MED13: variants seen among roughly 807,000 people sequenced by gnomAD.
MED13 encodes mediator of RNA polymerase II transcription subunit 13.
In MED13, 23 loss-of-function variants were observed where a neutral mutation model predicts 225.2. The observed-to-expected ratio is 0.10, with a 90% confidence interval of 0.07 to 0.14. The LOEUF (loss-of-function observed/expected upper bound fraction) is 0.14, where lower values mean the gene tolerates loss of function less well. MED13 is among the 10% of genes least tolerant of loss of function. The pLI, the probability that MED13 is intolerant of heterozygous loss-of-function variation, is 1.00. For synonymous variants in MED13, 942 were observed against 889.2 expected (o/e 1.06, Z -1.06); for missense variants, 2,197 against 2,594.5 (o/e 0.85, Z 3.33).
At chr17:62,028,676 C>T (rs1468999759) in intron 8 of MED13, among the ~76,000 whole-genome samples, 2 of 149,216 alleles carry the variant, frequency 1.3e-5, no homozygotes, top group African/African-American at 2.5e-5. Flanking sequence ...CCTGTCTCTA[C>T]TTTAAAAAAA....
In MED13 at chr17:62,058,382, G is replaced by A. The variant is rs568304471; in HGVS notation, c.301+4685C>T. 2.0e-5 allele frequency among the ~76,000 whole-genome samples: 3 copies of A among 151,952 alleles called. No individual in the cohort carries two copies. The South Asian group carries it at 6.2e-4, about 32-fold the overall frequency. ...CCAAAAATACAAAAATTAGCCAGGCGTGATGACACATGCCTGTAGTCCCAA... is the reference window on the plus strand; with the variant it reads ...CCAAAAATACAAAAATTAGCCAGGCATGATGACACATGCCTGTAGTCCCAA... On this transcript the variant is annotated intron_variant, in intron 2 of 29. Transcript: ENST00000397786.
chr17:62,011,308 T>C lies in MED13; in HGVS notation c.1284-75A>G, dbSNP rs565038275. ...GAAGTATAATACCAGTTAATAGTATTAGACACTTCGGTTATCATTTCTTTT... is the reference window on the plus strand; with the variant it reads ...GAAGTATAATACCAGTTAATAGTATCAGACACTTCGGTTATCATTTCTTTT... On this transcript the variant is annotated intron_variant, in intron 8 of 29. Transcript: ENST00000397786. The C allele has an allele frequency of 2.2e-5, 28 of 1,244,512 alleles. No homozygotes were observed. In the East Asian group the frequency reaches 6.3e-4, roughly 28 times the overall value. The allele number at this position is 1,244,512 out of a possible 1,614,324, so 77.1% of individuals were successfully genotyped here.
chr17:61,974,571 A>G (rs1359336198), intron 16 of MED13, among the ~76,000 whole-genome samples: 3 of 152,164 alleles, frequency 2.0e-5, no homozygotes, highest in Non-Finnish European at 2.9e-5. Flanking sequence ...TTAAAAAAAA[A>G]GGAGTGATCA....
chr17:62,048,666 G>A (rs1254707005), intron 3 of MED13, among the ~76,000 whole-genome samples: 1 of 152,078 alleles, frequency 6.6e-6, no homozygotes, highest in Non-Finnish European at 1.5e-5. Flanking sequence ...ACTAAACACT[G>A]GCAGCCCAGC....
intron 3 of MED13, among the ~76,000 whole-genome samples, chr17:62,044,973 T>C (rs973174093): frequency 8.5e-5 from 13 of 152,208 alleles, no homozygotes; most frequent in Admixed American, 4.6e-4. Context: ...ATATTGCCTT[T>C]TAAAATTGGA....
chr17:61,942,978 G>A lies in MED13; in HGVS notation c.*3490C>T, dbSNP rs1023057288. The A allele has an allele frequency of 6.6e-6, 1 of 152,390 alleles. No individual in the cohort carries two copies. Among genetic ancestry groups the A allele is most frequent in the Non-Finnish European group, 1.5e-5 (1 of 67,958 alleles). 9.4% of individuals were successfully genotyped at this position (152,390 alleles called of 1,614,324 possible). A position where few individuals can be genotyped will look rare whatever the true frequency, so the allele number is the denominator to read the frequency against. The stretch of plus-strand genomic sequence containing the variant: ...AACTAAAGATGTTTTAAAACTTCAT[G>A]AATACATCAACCTGAGGAGTATTTT... On this transcript the variant is annotated 3_prime_UTR_variant, in exon 30 of 30. Coordinates refer to ENST00000397786, the MANE Select transcript of MED13 (RefSeq NM_005121.3).
intron 11 of MED13, among the ~76,000 whole-genome samples, chr17:61,988,257 G>T (rs1179455659): frequency 6.6e-6 from 1 of 152,080 alleles, no homozygotes; most frequent in Non-Finnish European, 1.5e-5. Context: ...TTAAGTACTA[G>T]ATAAATATTA....
Position 61,955,440 on chromosome 17 carries a change from T to C in MED13, c.5910A>G (p.Gln1970=), listed in dbSNP as rs747132332. ...ILVFPTSASV[Q]VASATYTTEN... ...CAGTGGTATAAGTAGCTGAAGCTAC[T>C]TGCACAGAAGCAGAAGTAGGAAACA... is the stretch of plus-strand genomic sequence containing the variant. The change falls in exon 26 of 30, where the codon CAA becomes CAG. Residue 1970 remains glutamine (Q), a synonymous_variant. Transcript: ENST00000397786. 1.5e-5 allele frequency: 24 copies of C among 1,596,156 alleles called. No homozygotes were observed. Among genetic ancestry groups the C allele is most frequent in the East Asian group, 4.5e-5 (2 of 44,664 alleles).
rs764611496 is a variant in MED13 at position 62,052,557 on chromosome 17, A to G, written c.450T>C (p.Asp150=). The change falls in exon 3 of 30, where the codon GAT becomes GAC. Residue 150 remains aspartate, a synonymous_variant. Coordinates refer to ENST00000397786, the MANE Select transcript of MED13 (RefSeq NM_005121.3). The part of the protein sequence containing the change: ...GKWFVKPYEK[D]EKPINKSEHL... ...CTTACCTTTTATTTATAGGTTTTTC[A>G]TCTTTTTCATAAGGCTTTACAAACC... The G allele has an allele frequency of 8.9e-6, 14 of 1,578,608 alleles. No homozygotes were observed. The highest frequency in any genetic ancestry group is 1.2e-5 in the Non-Finnish European group (14 of 1,163,962).
At chr17:61,980,677 GA>G (rs2080196144) in intron 16 of MED13, among the ~76,000 whole-genome samples, 1 of 152,192 alleles carries the variant, frequency 6.6e-6, no homozygotes, top group South Asian at 2.1e-4. Context: ...CTAAGCTACT[GA>G]AACTGCCTTC....
At position 62,015,930 on chromosome 17, in the gene MED13, ATATATATATATATATATATATATATT is replaced by A. The variant is rs1230475361; in HGVS notation, c.1284-4723_1284-4698del. Among the ~76,000 whole-genome samples the A allele has an allele frequency of 1.7e-3, 11 of 6,644 alleles. No homozygotes were observed. In the East Asian group the frequency reaches 0.045, roughly 27 times the overall value. The allele number at this position is 6,644 out of a possible 152,430, so 4.4% of individuals were successfully genotyped here. A position where few individuals can be genotyped will look rare whatever the true frequency, so the allele number is the denominator to read the frequency against. On this transcript the variant is annotated intron_variant, in intron 8 of 29. Transcript: ENST00000397786. ...ACACTATACACATATATATATATAT[ATATATATATATATATATATATATATT>A]TTTTTTTTTTTTTTTTTTTTTTTTT...
At chr17:62,010,365 A>G (rs2080494920) in intron 9 of MED13, 185 bp downstream of exon 9, 2 of 415,178 alleles carry the variant, frequency 4.8e-6, no homozygotes, top group East Asian at 3.6e-5. Flanking sequence ...TTTTGTGGCT[A>G]AAGTTATTTC....
At chr17:62,036,592 A>C (rs757105277) in intron 3 of MED13, among the ~76,000 whole-genome samples, 22 of 152,230 alleles carry the variant, frequency 1.4e-4, no homozygotes, top group Non-Finnish European at 2.6e-4. Flanking sequence ...ATATATGTAT[A>C]AGCCCTCTTG....
intron 21 of MED13, 127 bp downstream of exon 21, chr17:61,962,625 G>A: frequency 1.5e-6 from 1 of 671,326 alleles, no homozygotes; most frequent in Non-Finnish European, 2.5e-6. Flanking sequence ...TGATATTAAA[G>A]TAAAATCAAT....
chr17:61,990,186 T>G (rs556795038), intron 11 of MED13, among the ~76,000 whole-genome samples: 17 of 152,106 alleles, frequency 1.1e-4, no homozygotes, highest in African/African-American at 3.9e-4. Flanking sequence ...TACTTGCAAA[T>G]TGCTGAAAGT....
chr17:61,951,875 A>T (rs1159617323), intron 27 of MED13, among the ~76,000 whole-genome samples: 1 of 152,148 alleles, frequency 6.6e-6, no homozygotes, highest in African/African-American at 2.4e-5. Flanking sequence ...ATACTACAAT[A>T]ATCAAATCAC....
chr17:62,025,038 G>GTA (rs1352294690), intron 8 of MED13, among the ~76,000 whole-genome samples: 1 of 152,140 alleles, frequency 6.6e-6, no homozygotes, highest in Non-Finnish European at 1.5e-5. Flanking sequence ...ATTCCTCTGG[G>GTA]TATATATATC....
At chr17:62,011,827 G>A (rs930293185) in intron 8 of MED13, among the ~76,000 whole-genome samples, 1 of 152,146 alleles carries the variant, frequency 6.6e-6, no homozygotes, top group Non-Finnish European at 1.5e-5. Context: ...AAAAGGGAAA[G>A]AAAATGCCTA....
At position 62,063,132 on chromosome 17, in the gene MED13, T is replaced by G. The variant is rs1426615184; in HGVS notation, c.236A>C (p.Glu79Ala). Residue 79 changes from glutamate (E) to alanine (A), a missense_variant, in exon 2 of 30, where the codon GAA becomes GCA. By Grantham distance (107) the Glu-to-Ala change is moderately radical. Transcript: ENST00000397786. ...TTCACCCCACCAAAATATCCACAAT[T>G]CTCTTCTTCCAGGTCTTTGATCTCG... ...WRRDQRPGRR[E>A]LWIFWWGEDP... 1.9e-6 allele frequency: 3 copies of G among 1,614,114 alleles called. No homozygotes were observed. The highest frequency in any genetic ancestry group is 1.6e-4 in the Middle Eastern group (1 of 6,062).
Sources: gnomAD v4.1 joint callset for allele counts (sites outside exome capture counted in the v4.1 genomes callset) on GRCh38, gnomAD v4.1.1 for gene constraint, MANE v1.5 for transcripts, NCBI Gene and HGNC (gene_info 2026-07-23, HGNC 2026-07-21) for gene names.